DOP1A: variants seen among roughly 807,000 people sequenced by gnomAD.
DOP1A encodes protein DOP1A.
In DOP1A, 90 loss-of-function variants were observed where a neutral mutation model predicts 267.6. The ratio of observed to expected loss-of-function variants is 0.34; its 90% CI spans 0.28 to 0.40. DOP1A has a LOEUF of 0.40. Ranked by LOEUF, DOP1A falls within the 10% of genes least tolerant of loss-of-function variation. DOP1A has a pLI of 1.00. For synonymous variants in DOP1A, 932 were observed against 999.1 expected (o/e 0.93, Z 1.27); for missense variants, 2,437 against 2,900.4 (o/e 0.84, Z 3.67).
chr6:83,088,419 CTTTTTTTTTTTTT>C (rs746293399), intron 1 of DOP1A, among the ~76,000 whole-genome samples: 3 of 115,584 alleles, frequency 2.6e-5, no homozygotes, highest in African/African-American at 1.0e-4. Context: ...TGTCTTCCAT[CTTTTTTTTTTTTT>C]TTTTTTTTTG....
rs1310664028 is a variant in DOP1A, at chr6:83,125,816, T to C, written c.1719+83T>C. 3.4e-6 allele frequency: 4 copies of C among 1,189,352 alleles called. No homozygotes were observed. The African/African-American group carries it at 6.1e-5, about 18-fold the overall frequency. The allele number at this position is 1,189,352 out of a possible 1,614,324, so 73.7% of individuals were successfully genotyped here. On this transcript the variant is annotated intron_variant, in intron 15 of 38. Transcript: ENST00000349129. ...GTTACTTAGTAAAATCACTTATACA[T>C]AAGCATTTAAATAATAGTGAGTCTT...
At position 83,127,527 on chromosome 6, in the gene DOP1A, G is replaced by A. The variant is rs550842448; in HGVS notation, c.1720-1360G>A. 8.9e-4 allele frequency among the ~76,000 whole-genome samples: 135 copies of A among 152,284 alleles called. No individual in the cohort carries two copies. In the Middle Eastern group the frequency reaches 0.02, roughly 23 times the overall value. ...AGGGCTTTTGTTGTTTAGGAGCACC[G>A]GGAAGGCCCTGAAGGGGAAAAGGCA... On this transcript the variant is annotated intron_variant, in intron 15 of 38. Transcript: ENST00000349129.
rs769411609 is a variant in DOP1A at position 83,154,010 on chromosome 6, G to T, written c.6356G>T (p.Ser2119Ile). ...GCTTTTGACCTCTTTATGGATCCCA[G>T]TTTCTTTCAGATGGATGCCTCTTGT... Reference protein sequence around the residue: ...KEAFDLFMDPSFFQMDASCVN... With the variant: ...KEAFDLFMDPIFFQMDASCVN... Residue 2119 changes from serine to isoleucine, a missense_variant, in exon 32 of 39, where the codon AGT (serine) becomes ATT (isoleucine). Ser to Ile is a moderately radical substitution (Grantham distance 142). Transcript: ENST00000349129. 19 of 1,613,918 alleles carry T rather than the reference G, an allele frequency of 1.2e-5. No homozygotes were observed. Among genetic ancestry groups the T allele is most frequent in the Non-Finnish European group, 1.6e-5 (19 of 1,179,994 alleles).
chr6:83,111,046 A>G (rs566415573), intron 6 of DOP1A, among the ~76,000 whole-genome samples: 1 of 152,250 alleles, frequency 6.6e-6, no homozygotes, highest in South Asian at 2.1e-4. Context: ...CCAGGCCCTT[A>G]GAAACACTGA....
intron 38 of DOP1A, chr6:83,166,587 T>A (rs1017461817): frequency 4.7e-5 from 31 of 652,790 alleles, no homozygotes; most frequent in Non-Finnish European, 7.1e-5. Flanking sequence ...ATGCTTAAAA[T>A]GATGTATAAC....
chr6:83,139,553 A>G (rs1408756665), intron 21 of DOP1A, among the ~76,000 whole-genome samples: 1 of 152,062 alleles, frequency 6.6e-6, no homozygotes, highest in Non-Finnish European at 1.5e-5. Flanking sequence ...ATCCAATTTT[A>G]TTTCTTGTTT....
At position 83,137,839 on chromosome 6, in the gene DOP1A, G is replaced by A. The variant is rs1325751104; in HGVS notation, c.3797G>A (p.Ser1266Asn). 1 of 1,613,570 alleles carries A rather than the reference G, an allele frequency of 6.2e-7. No homozygotes were observed. Among genetic ancestry groups the A allele is most frequent in the Non-Finnish European group, 8.5e-7 (1 of 1,179,850 alleles). Residue 1266 changes from serine to asparagine, a missense_variant, in exon 21 of 39, where the codon AGT becomes AAT. This residue lies in a region of DOP1A where 878 missense variants were observed against 992.9 expected (regional missense o/e 0.88). Coordinates refer to ENST00000349129, the MANE Select transcript of DOP1A (RefSeq NM_015018.4). ...IETKSRQRSH[S>N]SIQFSFKEKL... is the part of the protein sequence containing the mutation. ...ACCAAATCTAGACAAAGGAGTCACA[G>A]TAGTATTCAATTCAGCTTCAAAGAA...
At chr6:83,157,635 T>C (rs1022689804) in intron 35 of DOP1A, among the ~76,000 whole-genome samples, 3 of 152,236 alleles carry the variant, frequency 2.0e-5, no homozygotes, top group African/African-American at 7.2e-5. Context: ...CAATAGCAGC[T>C]GGACCCATTT....
rs372231316 is a variant in DOP1A, at chr6:83,070,523, G to A, written c.-147+2744G>A. The stretch of plus-strand genomic sequence containing the variant: ...AGTTTTAGTAGATATATATGCACCC[G>A]TGTAGCTACCACCACAATCAAGATT... On this transcript the variant is annotated intron_variant, in intron 1 of 38. Transcript: ENST00000349129. Among the ~76,000 whole-genome samples, 4 of 152,060 alleles carry A rather than the reference G, an allele frequency of 2.6e-5. No individual in the cohort carries two copies. In the East Asian group the frequency reaches 5.8e-4, roughly 22 times the overall value.
chr6:83,134,649 A>G (rs967069181), intron 19 of DOP1A, among the ~76,000 whole-genome samples: 2 of 152,136 alleles, frequency 1.3e-5, no homozygotes, highest in Admixed American at 6.6e-5. Flanking sequence ...ATTATTTTCA[A>G]TCTTCTGCCT....
chr6:83,107,960 C>T (rs988163025), intron 4 of DOP1A, among the ~76,000 whole-genome samples: 3 of 152,148 alleles, frequency 2.0e-5, no homozygotes, highest in Admixed American at 1.3e-4. Flanking sequence ...ATGTTAAAGT[C>T]CACATTGGCA....
intron 4 of DOP1A, among the ~76,000 whole-genome samples, chr6:83,104,900 A>G (rs1323500424): frequency 2.0e-5 from 3 of 151,780 alleles, no homozygotes; most frequent in Admixed American, 2.0e-4. Context: ...TTAAAAACCA[A>G]CTTTTATTTA....
chr6:83,148,425 CAAAA>C (rs917257251), intron 26 of DOP1A, among the ~76,000 whole-genome samples: 5 of 150,962 alleles, frequency 3.3e-5, no homozygotes, highest in Non-Finnish European at 1.5e-5. Context: ...AAAAAAAAGA[CAAAA>C]AAAGAAAAAA....
chr6:83,093,927 C>CA (rs917798285), intron 1 of DOP1A, among the ~76,000 whole-genome samples: 1 of 151,968 alleles, frequency 6.6e-6, no homozygotes, highest in African/African-American at 2.4e-5. Flanking sequence ...AACAAACAAA[C>CA]AAAAAATATA....
chr6:83,109,431 A>G (rs1482563356), intron 5 of DOP1A, among the ~76,000 whole-genome samples: 1 of 152,204 alleles, frequency 6.6e-6, no homozygotes, highest in African/African-American at 2.4e-5. Flanking sequence ...CTAATAACAA[A>G]TCACTTAGTC....
intron 20 of DOP1A, 102 bp from the exon 21 acceptor site, chr6:83,137,071 G>T (rs976587325): frequency 1.8e-6 from 2 of 1,087,066 alleles, no homozygotes; most frequent in Admixed American, 3.4e-5. Flanking sequence ...AGTAGATGAT[G>T]ACACTAATGA....
chr6:83,084,479 C>G (rs1768710935), intron 1 of DOP1A, among the ~76,000 whole-genome samples: 1 of 152,172 alleles, frequency 6.6e-6, no homozygotes, highest in Non-Finnish European at 1.5e-5. Flanking sequence ...TATAATAAAA[C>G]TTTTTCCAAA....
intron 1 of DOP1A, among the ~76,000 whole-genome samples, chr6:83,090,590 A>G (rs1245471750): frequency 3.3e-5 from 5 of 152,230 alleles, no homozygotes; most frequent in African/African-American, 9.6e-5. Context: ...TGGTGAAATA[A>G]GCACAGAGAT....
chr6:83,130,046 G>A, intron 16 of DOP1A, 77 bp from the exon 17 acceptor site: 1 of 1,533,432 alleles, frequency 6.5e-7, no homozygotes, highest in Non-Finnish European at 8.8e-7. Flanking sequence ...TAGTGGCTTT[G>A]TTTTTTGAAA....
Sources: allele counts gnomAD v4.1 joint callset (sites outside exome capture counted in the v4.1 genomes callset), GRCh38; gene constraint gnomAD v4.1.1; regional missense constraint gnomAD v4.1.1; transcripts MANE v1.5; gene names NCBI Gene and HGNC (gene_info 2026-07-23, HGNC 2026-07-21).